The following NETO2 variants were observed in gnomAD, a reference collection of about 807,000 sequenced individuals.
NETO2 encodes neuropilin and tolloid like 2.
In NETO2, 28 loss-of-function variants were observed where a neutral mutation model predicts 62.5. The observed-to-expected ratio is 0.45, with a 90% CI of 0.33 to 0.61. The LOEUF (loss-of-function observed/expected upper bound fraction) is 0.61. NETO2 is among the 20% of genes least tolerant of loss of function. The probability of loss-of-function intolerance (pLI) is 0.02; values close to 1 mark genes in which losing one functional copy is unlikely to be tolerated. For synonymous variants in NETO2, 214 were observed against 219.1 expected, an observed-to-expected ratio of 0.98 and a Z score of 0.21; for missense variants, 548 against 643.2, an observed-to-expected ratio of 0.85 and a Z score of 1.60.
intron 6 of NETO2, among the ~76,000 whole-genome samples, chr16:47,119,758 C>G (rs1964000490): frequency 4.6e-5 from 7 of 152,072 alleles, no homozygotes; most frequent in Admixed American, 4.6e-4. Context: ...TCTTCTGTGA[C>G]TTACAAATTA....
At chr16:47,105,509 C>T (rs1274383102) in intron 7 of NETO2, among the ~76,000 whole-genome samples, 1 of 151,938 alleles carries the variant, frequency 6.6e-6, no homozygotes, top group African/African-American at 2.4e-5. Flanking sequence ...CATCAAAATT[C>T]AAAACTTTTG....
intron 1 of NETO2, among the ~76,000 whole-genome samples, chr16:47,136,910 CGACA>C (rs893699268): frequency 9.0e-4 from 137 of 151,388 alleles, no homozygotes; most frequent in Non-Finnish European, 1.7e-3. Context: ...CATTTACTAA[CGACA>C]GACACATAAA....
chr16:47,098,833 C>T (rs1309582788), intron 7 of NETO2, among the ~76,000 whole-genome samples: 1 of 152,166 alleles, frequency 6.6e-6, no homozygotes. Flanking sequence ...GATCTCTCTG[C>T]AGAAACCCTA....
intron 6 of NETO2, among the ~76,000 whole-genome samples, chr16:47,110,037 A>C (rs533481218): frequency 6.6e-6 from 1 of 152,364 alleles, no homozygotes; most frequent in South Asian, 2.1e-4. Flanking sequence ...AGAAAATAAA[A>C]TAATCACTCA....
intron 7 of NETO2, among the ~76,000 whole-genome samples, chr16:47,104,500 C>T (rs1963628005): frequency 1.3e-5 from 2 of 152,236 alleles, no homozygotes; most frequent in South Asian, 4.1e-4. Context: ...AAAATCCCAA[C>T]AGTGTTTCTG....
At position 47,080,345 on chromosome 16, in the gene NETO2, T is replaced by G. The variant is rs190841393; in HGVS notation, c.*2876A>C. On this transcript the variant is annotated 3_prime_UTR_variant, in exon 9 of 9. Transcript: ENST00000562435. ...TATTTATCCCTTCCAGATTTGCATT[T>G]TGTGTTCAACACTGGGACACTGTGT... 266 of 152,344 alleles carry G rather than the reference T, an allele frequency of 1.7e-3. 2 individuals are homozygous for G. Among genetic ancestry groups the G allele is most frequent in the African/African-American group, 5.9e-3 (245 of 41,578 alleles). 9.4% of individuals were successfully genotyped at this position (152,344 alleles called of 1,614,324 possible). A position where few individuals can be genotyped will look rare whatever the true frequency, so the allele number is the denominator to read the frequency against.
rs986054379 is a variant in NETO2 at position 47,101,369 on chromosome 16, T to C, written c.883+8114A>G. On this transcript the variant is annotated intron_variant, in intron 7 of 8. Transcript: ENST00000562435. ...AGCTGGAAGCATTCCCTTTGAAAAC[T>C]GGCACAAGACAAGGATGCCCTCTCT... Among the ~76,000 whole-genome samples, 6 of 152,262 alleles carry C rather than the reference T, an allele frequency of 3.9e-5. No individual in the cohort carries two copies. In the South Asian group the frequency reaches 6.2e-4, roughly 16 times the overall value.
chr16:47,142,503 C>A (rs1964480424), intron 1 of NETO2, among the ~76,000 whole-genome samples: 1 of 152,148 alleles, frequency 6.6e-6, no homozygotes, highest in African/African-American at 2.4e-5. Context: ...AGTCACTCTA[C>A]AAATATTAAG....
intron 7 of NETO2, among the ~76,000 whole-genome samples, chr16:47,098,984 C>T (rs143381318): frequency 1.6e-3 from 238 of 152,126 alleles, no homozygotes; most frequent in African/African-American, 5.5e-3. Flanking sequence ...CTCAGCCTCA[C>T]GAGTAGCTGG....
chr16:47,103,070 G>C (rs190493953), intron 7 of NETO2, among the ~76,000 whole-genome samples: 10 of 152,216 alleles, frequency 6.6e-5, no homozygotes, highest in Non-Finnish European at 1.2e-4. Flanking sequence ...ACTGGATAAA[G>C]AAAATGTGGC....
intron 1 of NETO2, among the ~76,000 whole-genome samples, chr16:47,134,479 G>A (rs1038039493): frequency 1.3e-5 from 2 of 152,096 alleles, no homozygotes; most frequent in African/African-American, 4.8e-5. Flanking sequence ...AGAAAAGTCA[G>A]GTAATAGTAG....
chr16:47,080,111 C>A lies in NETO2; in HGVS notation c.*3110G>T, dbSNP rs1963037584. On this transcript the variant is annotated 3_prime_UTR_variant, in exon 9 of 9. Transcript: ENST00000562435. ...TTTTGTGATGTGAAATGTGAACATT[C>A]TTTGCCTTTTGTTAAACGTTTAGAT... is the stretch of plus-strand genomic sequence containing the variant. The A allele has an allele frequency of 1.3e-5, 2 of 152,164 alleles. No homozygotes were observed. The highest frequency in any genetic ancestry group is 2.9e-5 in the Non-Finnish European group (2 of 68,022). 9.4% of individuals were successfully genotyped at this position (152,164 alleles called of 1,614,324 possible). A position where few individuals can be genotyped will look rare whatever the true frequency, so the allele number is the denominator to read the frequency against.
Position 47,082,125 on chromosome 16 carries a change from A to G in NETO2, c.*1096T>C, listed in dbSNP as rs927124435. 5.2e-5 allele frequency: 8 copies of G among 152,650 alleles called. No homozygotes were observed. Among genetic ancestry groups the G allele is most frequent in the African/African-American group, 1.7e-4 (7 of 41,458 alleles). The allele number at this position is 152,650 out of a possible 1,614,324, so 9.5% of individuals were successfully genotyped here. A position where few individuals can be genotyped will look rare whatever the true frequency, so the allele number is the denominator to read the frequency against. On this transcript the variant is annotated 3_prime_UTR_variant, in exon 9 of 9. Coordinates refer to ENST00000562435, the MANE Select transcript of NETO2 (RefSeq NM_018092.5). Reference sequence around the variant, plus strand: ...AAATTATTGTTTTTATACCATAAAAAAAGTCAAAAGTGCAGTTTAAAAAAA... The same window carrying G: ...AAATTATTGTTTTTATACCATAAAAGAAGTCAAAAGTGCAGTTTAAAAAAA...
Position 47,083,623 on chromosome 16 carries a change from C to T in NETO2, c.1176G>A (p.Val392=). 3 of 1,614,190 alleles carry T rather than the reference C, an allele frequency of 1.9e-6. No individual in the cohort carries two copies. Among genetic ancestry groups the T allele is most frequent in the Non-Finnish European group, 2.5e-6 (3 of 1,180,046 alleles). The change falls in exon 9 of 9, where the codon GTG becomes GTA. Residue 392 remains valine, a synonymous_variant. Coordinates refer to ENST00000562435, the MANE Select transcript of NETO2 (RefSeq NM_018092.5). ...TAFNKTGFQE[V]FDPPHYELFS... ...ACAGTTCATAATGAGGAGGATCAAA[C>T]ACTTCTTGGAACCCGGTTTTATTAA...
chr16:47,103,435 GTAA>G (rs552726256), intron 7 of NETO2, among the ~76,000 whole-genome samples: 17 of 151,922 alleles, frequency 1.1e-4, no homozygotes, highest in Non-Finnish European at 1.8e-4. Flanking sequence ...TTCAAGTATT[GTAA>G]TAATAAAAAA....
At chr16:47,140,502 A>C (rs1964440612) in intron 1 of NETO2, among the ~76,000 whole-genome samples, 1 of 152,168 alleles carries the variant, frequency 6.6e-6, no homozygotes, top group Non-Finnish European at 1.5e-5. Context: ...TTTGATTTCA[A>C]CTTGTTTTGT....
At chr16:47,138,839 C>T (rs2151495737) in intron 1 of NETO2, among the ~76,000 whole-genome samples, 1 of 152,208 alleles carries the variant, frequency 6.6e-6, no homozygotes, top group East Asian at 1.9e-4. Flanking sequence ...GCGTGTCTCT[C>T]TGGCCTTCCG....
intron 1 of NETO2, among the ~76,000 whole-genome samples, chr16:47,141,345 T>C (rs375606914): frequency 3.3e-5 from 5 of 152,204 alleles, no homozygotes; most frequent in African/African-American, 9.6e-5. Context: ...GGAAAACTTC[T>C]TCATGCCTTG....
intron 4 of NETO2, among the ~76,000 whole-genome samples, chr16:47,123,774 T>C (rs1314872550): frequency 6.6e-6 from 1 of 152,244 alleles, no homozygotes; most frequent in Non-Finnish European, 1.5e-5. Flanking sequence ...CTCGGCTCAC[T>C]GCAACCTCTG....
Sources: allele counts gnomAD v4.1 joint callset (sites outside exome capture counted in the v4.1 genomes callset), GRCh38; gene constraint gnomAD v4.1.1; transcripts MANE v1.5; gene names NCBI Gene and HGNC (gene_info 2026-07-23, HGNC 2026-07-21).